The following ZFAND3 variants were observed in gnomAD, a reference collection of about 807,000 sequenced individuals.
ZFAND3 encodes AN1-type zinc finger protein 3.
ZFAND3 carries 10 observed loss-of-function variants against 29.6 expected under a neutral mutation model. The ratio of observed to expected loss-of-function variants is 0.34; its 90% confidence interval spans 0.21 to 0.57. The LOEUF is 0.57. Among genes scored for constraint, ZFAND3 ranks in the 20% least tolerant of loss-of-function variants. The pLI is 0.86. For synonymous variants in ZFAND3, 128 were observed against 112.6 expected (o/e 1.14, Z -0.87); for missense variants, 230 against 304.5 (o/e 0.76, Z 1.82).
intron 4 of ZFAND3, among the ~76,000 whole-genome samples, chr6:38,114,896 C>T (rs754050996): frequency 6.6e-6 from 1 of 152,164 alleles, no homozygotes; most frequent in Non-Finnish European, 1.5e-5. Context: ...GGTGAAATTT[C>T]CTGCCCTCTT....
At chr6:37,881,766 C>G (rs1019078655) in intron 1 of ZFAND3, among the ~76,000 whole-genome samples, 2 of 151,798 alleles carry the variant, frequency 1.3e-5, no homozygotes, top group African/African-American at 4.8e-5. Context: ...AAGAAAAGTT[C>G]AGTGTTGAGA....
chr6:38,060,538 CCT>C (rs2127463180), intron 2 of ZFAND3, among the ~76,000 whole-genome samples: 1 of 151,484 alleles, frequency 6.6e-6, no homozygotes, highest in Admixed American at 6.6e-5. Context: ...TCCCTTTCCC[CCT>C]CTTTCTTTCT....
chr6:37,923,878 C>CA (rs774298714), intron 1 of ZFAND3, among the ~76,000 whole-genome samples: 2 of 152,068 alleles, frequency 1.3e-5, no homozygotes, highest in African/African-American at 4.8e-5. Flanking sequence ...ACATACCATA[C>CA]AACAACCAAT....
chr6:37,853,625 T>C (rs990499497), intron 1 of ZFAND3, among the ~76,000 whole-genome samples: 3 of 152,162 alleles, frequency 2.0e-5, no homozygotes, highest in African/African-American at 7.2e-5. Flanking sequence ...GAATTACAAA[T>C]GGATTATATT....
chr6:37,895,459 C>A (rs1352103827), intron 1 of ZFAND3, among the ~76,000 whole-genome samples: 4 of 76,764 alleles, frequency 5.2e-5, no homozygotes, highest in Middle Eastern at 0.012. Context: ...CTCAGAGGTT[C>A]TTTTTTTTTT....
At chr6:37,860,811 T>C (rs1764476789) in intron 1 of ZFAND3, among the ~76,000 whole-genome samples, 1 of 152,012 alleles carries the variant, frequency 6.6e-6, no homozygotes, top group African/African-American at 2.4e-5. Flanking sequence ...TATTCATTTA[T>C]GGGATGTGGC....
intron 1 of ZFAND3, among the ~76,000 whole-genome samples, chr6:37,832,496 A>C (rs1763880777): frequency 6.6e-6 from 1 of 152,316 alleles, no homozygotes; most frequent in African/African-American, 2.4e-5. Flanking sequence ...CAGTAGGAAA[A>C]AGTTCATGCT....
intron 2 of ZFAND3, among the ~76,000 whole-genome samples, chr6:37,934,189 T>C (rs1164082561): frequency 3.6e-5 from 5 of 140,586 alleles, no homozygotes; most frequent in Admixed American, 1.4e-4. Context: ...CGCCCGGCCC[T>C]TTTTTTTTTT....
rs1025967258 is a variant in ZFAND3 at position 38,121,864 on chromosome 6, GA to G, written c.529+5129del. On this transcript the variant is annotated intron_variant, in intron 5 of 5. Coordinates refer to ENST00000287218, the MANE Select transcript of ZFAND3 (RefSeq NM_021943.3). ...CTTGCACCTATAAACCAATCTGTGG[GA>G]AAACACTTTAAGACCAAGTAAATGC... is the stretch of plus-strand genomic sequence containing the variant. Among the ~76,000 whole-genome samples, 11 of 152,258 alleles carry G rather than the reference GA, an allele frequency of 7.2e-5. 1 individual carries two copies. The highest frequency in any genetic ancestry group is 3.3e-4 in the Admixed American group (5 of 15,302).
At chr6:37,852,790 A>G (rs1294661868) in intron 1 of ZFAND3, among the ~76,000 whole-genome samples, 1 of 149,482 alleles carries the variant, frequency 6.7e-6, no homozygotes, top group Non-Finnish European at 1.5e-5. Context: ...ATCTCGGCTC[A>G]CTGCAATCTC....
At chr6:37,856,598 CT>C in intron 1 of ZFAND3, among the ~76,000 whole-genome samples, 1 of 152,088 alleles carries the variant, frequency 6.6e-6, no homozygotes. Context: ...TTTGTATTTA[CT>C]TTAGGTTGTC....
chr6:37,961,370 G>T (rs943664791), intron 2 of ZFAND3, among the ~76,000 whole-genome samples: 1 of 152,354 alleles, frequency 6.6e-6, no homozygotes, highest in Middle Eastern at 3.4e-3. Flanking sequence ...TAAGGTTTTT[G>T]ACTGTAGTCT....
intron 4 of ZFAND3, among the ~76,000 whole-genome samples, chr6:38,088,699 T>C (rs1389750816): frequency 1.3e-5 from 2 of 152,246 alleles, no homozygotes; most frequent in Non-Finnish European, 2.9e-5. Context: ...ACTTTTACTC[T>C]TCTTCCAGCA....
In ZFAND3 at chr6:38,153,293, A is replaced by G. The variant is rs1322515426; in HGVS notation, c.*904A>G. On this transcript the variant is annotated 3_prime_UTR_variant, in exon 6 of 6. Transcript: ENST00000287218. ...TTTTTAAAAAGACATTTCATAGCCA[A>G]CAAGAATCAGTAGAAGTGCTGGGAG... 2.0e-6 allele frequency: 2 copies of G among 985,382 alleles called. No individual in the cohort carries two copies. The highest frequency in any genetic ancestry group is 1.7e-5 in the African/African-American group (1 of 57,260). The allele number at this position is 985,382 out of a possible 1,614,324, so 61.0% of individuals were successfully genotyped here. A position where few individuals can be genotyped will look rare whatever the true frequency, so the allele number is the denominator to read the frequency against.
intron 2 of ZFAND3, among the ~76,000 whole-genome samples, chr6:37,952,993 A>T: frequency 6.8e-6 from 1 of 147,932 alleles, no homozygotes; most frequent in East Asian, 2.0e-4. Context: ...GTTTTTTTTC[A>T]ATTCTTTTAA....
chr6:37,913,199 T>C (rs965207445), intron 1 of ZFAND3, among the ~76,000 whole-genome samples: 1 of 152,174 alleles, frequency 6.6e-6, no homozygotes, highest in Admixed American at 6.5e-5. Context: ...TGCCTCTTTT[T>C]TATGAAATAT....
At chr6:37,824,570 CAT>C (rs368206633) in intron 1 of ZFAND3, among the ~76,000 whole-genome samples, 2 of 152,068 alleles carry the variant, frequency 1.3e-5, no homozygotes, top group Admixed American at 6.5e-5. Flanking sequence ...CTCGTGATGA[CAT>C]ATGGAAACCT....
chr6:37,991,639 A>T (rs993097636), intron 2 of ZFAND3, among the ~76,000 whole-genome samples: 3 of 152,124 alleles, frequency 2.0e-5, no homozygotes, highest in Non-Finnish European at 4.4e-5. Flanking sequence ...TGCAATTTTA[A>T]TAAACAGGGA....
At position 38,152,441 on chromosome 6, in the gene ZFAND3, C is replaced by G. The variant is rs1412375356; in HGVS notation, c.*52C>G. 2.0e-6 allele frequency: 3 copies of G among 1,488,442 alleles called. No homozygotes were observed. The African/African-American group carries it at 4.2e-5, about 21-fold the overall frequency. 92.2% of individuals were successfully genotyped at this position (1,488,442 alleles called of 1,614,324 possible). A position where few individuals can be genotyped will look rare whatever the true frequency, so the allele number is the denominator to read the frequency against. On this transcript the variant is annotated 3_prime_UTR_variant, in exon 6 of 6. Transcript: ENST00000287218. ...CTGTTCTTAGTTCACTAATGTTAGC[C>G]TTATTTAGGACAAAGTCAGCCAGAC...
Sources: gnomAD v4.1 joint callset for allele counts (sites outside exome capture counted in the v4.1 genomes callset) on GRCh38, gnomAD v4.1.1 for gene constraint, MANE v1.5 for transcripts, NCBI Gene and HGNC (gene_info 2026-07-23, HGNC 2026-07-21) for gene names.